CORIN: variants seen among roughly 807,000 people sequenced by gnomAD.
CORIN encodes the protein atrial natriuretic peptide-converting enzyme.
In CORIN, 117 loss-of-function variants were observed where a neutral mutation model predicts 125.3. The ratio of observed to expected loss-of-function variants is 0.93; its 90% CI spans 0.80 to 1.09. The LOEUF (loss-of-function observed/expected upper bound fraction) is 1.09. Ranked by LOEUF, CORIN falls within the 50% of genes least tolerant of loss-of-function variation. The pLI is 0.00. For missense variants in CORIN, 1,253 were observed against 1,306.7 expected (o/e 0.96, Z 0.63); for synonymous variants, 450 against 466.4 (o/e 0.96, Z 0.45).
At position 47,674,382 on chromosome 4, in the gene CORIN, G is replaced by C; in HGVS notation, c.1357+11C>G. 5.8e-6 allele frequency: 9 copies of C among 1,564,216 alleles called. No individual in the cohort carries two copies. The highest frequency in any genetic ancestry group is 7.9e-6 in the Non-Finnish European group (9 of 1,134,538). ...GACATGGCTATTGCATTTGTCAGCTGTTGTACTTACTACAGTTATTCAGAC... is the reference window on the plus strand; with the variant it reads ...GACATGGCTATTGCATTTGTCAGCTCTTGTACTTACTACAGTTATTCAGAC... On this transcript the variant is annotated intron_variant, in intron 10 of 21. Coordinates refer to ENST00000273857, the MANE Select transcript of CORIN (RefSeq NM_006587.4).
chr4:47,645,231 G>A (rs879005721), intron 13 of CORIN, 37 bp from the exon 14 acceptor site: 1 of 1,202,648 alleles, frequency 8.3e-7, no homozygotes, highest in Non-Finnish European at 1.2e-6. Flanking sequence ...CAATAGACGT[G>A]GAATTGAAAA....
intron 10 of CORIN, among the ~76,000 whole-genome samples, chr4:47,668,698 C>T (rs893491809): frequency 4.6e-5 from 7 of 152,052 alleles, no homozygotes; most frequent in Non-Finnish European, 8.8e-5. Flanking sequence ...ATTAACAGAA[C>T]ATATCGCATG....
At chr4:47,614,144 T>A (rs1262659485) in intron 19 of CORIN, among the ~76,000 whole-genome samples, 1 of 152,166 alleles carries the variant, frequency 6.6e-6, no homozygotes, top group African/African-American at 2.4e-5. Context: ...TGTAGATAAG[T>A]AAGACAAAGC....
intron 1 of CORIN, among the ~76,000 whole-genome samples, chr4:47,833,385 A>C (rs1733162018): frequency 6.6e-6 from 1 of 152,206 alleles, no homozygotes; most frequent in Non-Finnish European, 1.5e-5. Context: ...CATGCCATGC[A>C]CAAAAATCAA....
intron 4 of CORIN, among the ~76,000 whole-genome samples, chr4:47,759,090 C>T (rs1729329383): frequency 6.6e-6 from 1 of 152,112 alleles, no homozygotes; most frequent in African/African-American, 2.4e-5. Flanking sequence ...GTGCCAAGAA[C>T]ACACAATGGA....
chr4:47,665,221 G>A lies in CORIN; in HGVS notation c.1400C>T (p.Pro467Leu). 5 of 1,613,790 alleles carry A rather than the reference G, an allele frequency of 3.1e-6. No individual in the cohort carries two copies. Among genetic ancestry groups the A allele is most frequent in the Non-Finnish European group, 4.2e-6 (5 of 1,179,856 alleles). The change falls in exon 11 of 22, where the codon CCC becomes CTC. Residue 467 changes from proline to leucine, a missense_variant. Pro to Leu is a moderately conservative substitution (Grantham distance 98). Transcript: ENST00000273857. ...PITLELCMNL[P>L]YNSTSYPNYF... is the part of the protein sequence containing the mutation. The stretch of plus-strand genomic sequence containing the variant: ...ATTTGGATAACTTGTACTGTTGTAG[G>A]GCAAATTCATGCAGAGTTCCAATGT...
At chr4:47,613,946 C>G (rs1721970879) in intron 19 of CORIN, among the ~76,000 whole-genome samples, 1 of 144,124 alleles carries the variant, frequency 6.9e-6, no homozygotes, top group East Asian at 2.4e-4. Flanking sequence ...TACCCTAAAA[C>G]TTAAAGTATA....
At chr4:47,625,662 T>G (rs1249915100) in intron 17 of CORIN, among the ~76,000 whole-genome samples, 1 of 152,150 alleles carries the variant, frequency 6.6e-6, no homozygotes, top group African/African-American at 2.4e-5. Context: ...TAGCAACATT[T>G]ATGAGCTTCA....
chr4:47,641,724 G>A (rs940176626), intron 16 of CORIN, among the ~76,000 whole-genome samples, 196 bp downstream of exon 16: 1 of 152,110 alleles, frequency 6.6e-6, no homozygotes, highest in Non-Finnish European at 1.5e-5. Flanking sequence ...CTTCATCAAA[G>A]TACATTTCCA....
At chr4:47,798,663 T>C (rs1731399367) in intron 2 of CORIN, among the ~76,000 whole-genome samples, 1 of 152,224 alleles carries the variant, frequency 6.6e-6, no homozygotes, top group East Asian at 1.9e-4. Flanking sequence ...ACAGAATTTA[T>C]TAAAAGAATG....
At chr4:47,827,370 AAT>A in intron 1 of CORIN, among the ~76,000 whole-genome samples, 1 of 152,360 alleles carries the variant, frequency 6.6e-6, no homozygotes. Flanking sequence ...CATTTTCATT[AAT>A]ACATTCTTTC....
chr4:47,810,435 T>C (rs1732016720), intron 1 of CORIN, among the ~76,000 whole-genome samples: 1 of 152,228 alleles, frequency 6.6e-6, no homozygotes, highest in South Asian at 2.1e-4. Context: ...TCCACCCACC[T>C]CAAGCTTCCA....
intron 1 of CORIN, among the ~76,000 whole-genome samples, chr4:47,810,902 C>T (rs1405166416): frequency 6.6e-6 from 1 of 152,172 alleles, no homozygotes; most frequent in Non-Finnish European, 1.5e-5. Flanking sequence ...TCAAACTCAA[C>T]AAGTCTGGAA....
chr4:47,597,020 C>T (rs1223267146), intron 21 of CORIN, among the ~76,000 whole-genome samples: 2 of 152,054 alleles, frequency 1.3e-5, no homozygotes, highest in East Asian at 3.9e-4. Context: ...ACTAGGCTAC[C>T]CTGCTTCTTA....
chr4:47,717,546 C>T (rs1303718470), intron 5 of CORIN, among the ~76,000 whole-genome samples: 1 of 152,184 alleles, frequency 6.6e-6, no homozygotes, highest in African/African-American at 2.4e-5. Flanking sequence ...AGTGACTTCG[C>T]CCCTGAAATG....
intron 1 of CORIN, among the ~76,000 whole-genome samples, chr4:47,821,253 A>G (rs1390246003): frequency 1.3e-5 from 2 of 151,964 alleles, no homozygotes; most frequent in East Asian, 3.9e-4. Context: ...AACAAAATGA[A>G]CTTACAAACT....
At chr4:47,807,648 C>A (rs1036436047) in intron 1 of CORIN, among the ~76,000 whole-genome samples, 1 of 152,188 alleles carries the variant, frequency 6.6e-6, no homozygotes, top group African/African-American at 2.4e-5. Context: ...AGGACATCCT[C>A]GGCTGCCCAT....
intron 3 of CORIN, among the ~76,000 whole-genome samples, chr4:47,772,096 G>GATAGATAA (rs1730064168): frequency 6.6e-6 from 1 of 151,834 alleles, no homozygotes; most frequent in Non-Finnish European, 1.5e-5. Flanking sequence ...TAGATAGATA[G>GATAGATAA]ATAGATAGAT....
At chr4:47,788,094 G>A (rs1257275117) in intron 2 of CORIN, among the ~76,000 whole-genome samples, 2 of 152,060 alleles carry the variant, frequency 1.3e-5, no homozygotes, top group Admixed American at 6.6e-5. Flanking sequence ...CCAGAATATC[G>A]CACTGTACTT....
Sources: allele counts gnomAD v4.1 joint callset (sites outside exome capture counted in the v4.1 genomes callset), GRCh38; gene constraint gnomAD v4.1.1; transcripts MANE v1.5; gene names NCBI Gene and HGNC (gene_info 2026-07-23, HGNC 2026-07-21).